Variants in NOMO3 observed in about 807,000 individuals in gnomAD.
NOMO3 encodes the protein NODAL modulator 3.
In NOMO3, 15 loss-of-function variants were observed where a neutral mutation model predicts 69.9. The ratio of observed to expected loss-of-function variants is 0.21; its 90% confidence interval spans 0.14 to 0.33. The LOEUF is 0.33. NOMO3 is among the 10% of genes least tolerant of loss of function. The pLI, the probability that NOMO3 is intolerant of heterozygous loss-of-function variation, is 1.00. For missense variants in NOMO3, 218 were observed against 761.0 expected (o/e 0.29, Z 8.39); for synonymous variants, 89 against 301.9 (o/e 0.29, Z 7.31).
intron 1 of NOMO3, among the ~76,000 whole-genome samples, chr16:16,235,369 CTG>C (rs1174518009): frequency 2.0e-5 from 3 of 148,610 alleles, no homozygotes; most frequent in Middle Eastern, 6.8e-3. Context: ...GACATGGAAA[CTG>C]AGCCTCAGAG....
rs1363845794 is a variant in NOMO3, at chr16:16,256,070, C to A, written c.1132C>A (p.His378Asn). The change falls in exon 11 of 31, where the codon CAT becomes AAT. Residue 378 changes from histidine to asparagine, a missense_variant. Transcript: ENST00000399336. ...ENITTGTYTIHAQKEHLYFET... is the reference protein window; with the variant it reads ...ENITTGTYTINAQKEHLYFET... ...CATAACCACAGGGACATACACCATC[C>A]ATGCTCAGAAAGAGCACCTCTACTT... is the stretch of plus-strand genomic sequence containing the variant. 1 of 1,585,152 alleles carries A rather than the reference C, an allele frequency of 6.3e-7. No individual in the cohort carries two copies. Among genetic ancestry groups the A allele is most frequent in the African/African-American group, 1.6e-5 (1 of 61,144 alleles).
chr16:16,249,306 C>T (rs1174290103), intron 6 of NOMO3, among the ~76,000 whole-genome samples: 9 of 144,900 alleles, frequency 6.2e-5, no homozygotes, highest in East Asian at 2.3e-4. Context: ...CGAGGCTGGG[C>T]GCAGTTGCTC....
intron 3 of NOMO3, among the ~76,000 whole-genome samples, chr16:16,241,329 G>A (rs2049372186): frequency 7.0e-6 from 1 of 142,972 alleles, no homozygotes; most frequent in Admixed American, 6.8e-5. Context: ...TGTATCATTT[G>A]TAGCTTTAGT....
intron 9 of NOMO3, among the ~76,000 whole-genome samples, chr16:16,252,866 CTG>C (rs2049476285): frequency 1.6e-5 from 2 of 126,950 alleles, no homozygotes; most frequent in Non-Finnish European, 3.1e-5. Flanking sequence ...CAGGGTCTCA[CTG>C]TGTGGCTCAA....
Position 16,256,148 on chromosome 16 carries a change from G to T in NOMO3, c.1210G>T (p.Val404Phe). ...APNTPQLADI[V>F]ATGFSVCGQI... is the part of the protein sequence containing the mutation. ...AAACACACCTCAGCTGGCTGACATT[G>T]TTGCAACAGGGTAAGCTTATCGTGT... is the stretch of plus-strand genomic sequence containing the variant. The change falls in exon 11 of 31, where the codon GTT becomes TTT. Residue 404 changes from valine to phenylalanine, a missense_variant. Transcript: ENST00000399336. 1 of 1,587,990 alleles carries T rather than the reference G, an allele frequency of 6.3e-7. No homozygotes were observed. Among genetic ancestry groups the T allele is most frequent in the Non-Finnish European group, 8.5e-7 (1 of 1,174,930 alleles).
intron 11 of NOMO3, among the ~76,000 whole-genome samples, chr16:16,258,752 C>A (rs2049537137): frequency 7.0e-6 from 1 of 142,590 alleles, no homozygotes; most frequent in South Asian, 2.2e-4. Context: ...ATAATCCCAG[C>A]AACTCAGGAG....
intron 3 of NOMO3, 146 bp from the exon 4 acceptor site, chr16:16,243,015 T>C: frequency 1.5e-6 from 2 of 1,347,734 alleles, no homozygotes; most frequent in Non-Finnish European, 2.0e-6. Flanking sequence ...CCTTTGGATT[T>C]GGAAACACAA....
At chr16:16,237,195 A>G (rs1476672506) in intron 2 of NOMO3, among the ~76,000 whole-genome samples, 2 of 144,832 alleles carry the variant, frequency 1.4e-5, no homozygotes, top group Non-Finnish European at 3.0e-5. Flanking sequence ...GTTTAGGACC[A>G]TTTGGCAATG....
At chr16:16,240,971 G>A (rs1257207135) in intron 3 of NOMO3, among the ~76,000 whole-genome samples, 2 of 145,008 alleles carry the variant, frequency 1.4e-5, no homozygotes, top group Non-Finnish European at 3.0e-5. Context: ...CAGATTGGTG[G>A]CCTGGAGGAG....
intron 8 of NOMO3, 78 bp from the exon 9 acceptor site, chr16:16,252,354 TG>T (rs2049470909): frequency 1.6e-6 from 1 of 620,332 alleles, no homozygotes. Flanking sequence ...TTGTCATTTG[TG>T]GGCTGCTAGA....
intron 15 of NOMO3, chr16:16,265,392 G>A (rs1567566118): frequency 5.0e-6 from 3 of 594,080 alleles, no homozygotes; most frequent in Non-Finnish European, 8.6e-6. Flanking sequence ...CCTTGTCCTG[G>A]CCCTACACTA....
chr16:16,255,739 G>A lies in NOMO3; in HGVS notation c.983G>A (p.Gly328Glu). 1 of 1,590,064 alleles carries A rather than the reference G, an allele frequency of 6.3e-7. No homozygotes were observed. The highest frequency in any genetic ancestry group is 8.5e-7 in the Non-Finnish European group (1 of 1,177,442). ...TTCTAGCCCGTGTTCCACGTCATGG[G>A]ATTCTCCGTCACCGGGAGGGTCTTG... ...LKIEPVFHVM[G>E]FSVTGRVLNG... The change falls in exon 10 of 31, where the codon GGA becomes GAA. Residue 328 changes from glycine (G) to glutamate (E), a missense_variant. Gly to Glu is a moderately conservative substitution (Grantham distance 98). Coordinates refer to ENST00000399336, the MANE Select transcript of NOMO3 (RefSeq NM_001004067.4).
intron 1 of NOMO3, among the ~76,000 whole-genome samples, chr16:16,235,117 G>C (rs1453104242): frequency 6.6e-6 from 1 of 151,252 alleles, no homozygotes; most frequent in Non-Finnish European, 1.5e-5. Flanking sequence ...CAGGCACTGG[G>C]GAATGAAGTT....
rs4781633 is a variant in NOMO3 at position 16,235,946 on chromosome 16, G to A, written c.166-955G>A. On this transcript the variant is annotated intron_variant, in intron 1 of 30. Coordinates refer to ENST00000399336, the MANE Select transcript of NOMO3 (RefSeq NM_001004067.4). The stretch of plus-strand genomic sequence containing the variant: ...CGAACACGAGCTTGCCCAAGGCCAC[G>A]CAACACGTGGAAGACTCAGATGGCA... 5.5e-4 allele frequency: 223 copies of A among 402,054 alleles called. 15 individuals carry two copies. Among genetic ancestry groups the A allele is most frequent in the South Asian group, 3.4e-3 (190 of 55,974 alleles). The allele number at this position is 402,054 out of a possible 1,614,324, so 24.9% of individuals were successfully genotyped here.
intron 16 of NOMO3, among the ~76,000 whole-genome samples, chr16:16,267,648 G>T (rs2049630369): frequency 1.4e-5 from 2 of 139,584 alleles, no homozygotes; most frequent in Non-Finnish European, 3.0e-5. Context: ...TGTCCAGGCT[G>T]GTCTCAAACT....
At chr16:16,241,716 T>C (rs1006298113) in intron 3 of NOMO3, among the ~76,000 whole-genome samples, 2 of 121,604 alleles carry the variant, frequency 1.6e-5, no homozygotes, top group Non-Finnish European at 3.2e-5. Context: ...CCTATATTTA[T>C]ATTTTATATT....
rs1004403862 is a variant in NOMO3 at position 16,249,504 on chromosome 16, C to A, written c.583-1424C>A. ...GGCTGAGGCAGGAGAATCGCTTGAACCTGGGAGGTGGAGGTAGCAGTGAGC... is the reference window on the plus strand; with the variant it reads ...GGCTGAGGCAGGAGAATCGCTTGAAACTGGGAGGTGGAGGTAGCAGTGAGC... On this transcript the variant is annotated intron_variant, in intron 6 of 30. Transcript: ENST00000399336. Among the ~76,000 whole-genome samples the A allele has an allele frequency of 3.2e-4, 43 of 135,120 alleles. 1 individual carries two copies. The highest frequency in any genetic ancestry group is 4.7e-4 in the Non-Finnish European group (31 of 66,400). 88.6% of individuals were successfully genotyped at this position (135,120 alleles called of 152,430 possible). A position where few individuals can be genotyped will look rare whatever the true frequency, so the allele number is the denominator to read the frequency against.
At chr16:16,263,422 T>C in intron 13 of NOMO3, 91 bp from the exon 14 acceptor site, 1 of 1,357,528 alleles carries the variant, frequency 7.4e-7, no homozygotes, top group Non-Finnish European at 9.9e-7. Flanking sequence ...AGCTCAGCAG[T>C]AGCAAGAAGC....
chr16:16,255,354 G>A (rs2049501284), intron 9 of NOMO3, among the ~76,000 whole-genome samples: 1 of 140,274 alleles, frequency 7.1e-6, no homozygotes, highest in Admixed American at 6.9e-5. Flanking sequence ...GCCGGGGTGT[G>A]CATGGGAGAC....
Sources: gnomAD v4.1 joint callset for allele counts (sites outside exome capture counted in the v4.1 genomes callset) on GRCh38, gnomAD v4.1.1 for gene constraint, MANE v1.5 for transcripts, NCBI Gene and HGNC (gene_info 2026-07-23, HGNC 2026-07-21) for gene names.